RTN1: variants seen among roughly 807,000 people sequenced by gnomAD.
The protein encoded by RTN1 is reticulon 1.
RTN1 carries 25 observed loss-of-function variants against 65.5 expected under a neutral mutation model. The observed-to-expected ratio is 0.38, with a 90% CI of 0.28 to 0.53. The LOEUF is 0.53. Ranked by LOEUF, RTN1 falls within the 20% of genes least tolerant of loss-of-function variation. RTN1 has a pLI of 0.79. For synonymous variants in RTN1, 471 were observed against 447.6 expected, an observed-to-expected ratio of 1.05 and a Z score of -0.66; for missense variants, 983 against 1,025.4, an observed-to-expected ratio of 0.96 and a Z score of 0.57.
In RTN1 at chr14:59,652,766, T is replaced by C. The variant is rs143778380; in HGVS notation, c.1766-45274A>G. On this transcript the variant is annotated intron_variant, in intron 3 of 8. Transcript: ENST00000267484. ...CATGAAATAATCTGTAAGATAAGCT[T>C]AGCTATATAGCAAACCTGCACATGT... is the stretch of plus-strand genomic sequence containing the variant. Among the ~76,000 whole-genome samples, 138 of 152,194 alleles carry C rather than the reference T, an allele frequency of 9.1e-4. 1 individual carries two copies. In the East Asian group the frequency reaches 0.014, roughly 16 times the overall value.
rs1885861610 is a variant in RTN1 at position 59,766,978 on chromosome 14, C to A, written c.242-20497G>T. 6.6e-6 allele frequency among the ~76,000 whole-genome samples: 1 copy of A among 152,166 alleles called. No homozygotes were observed. Among genetic ancestry groups the A allele is most frequent in the Non-Finnish European group, 1.5e-5 (1 of 68,030 alleles). On this transcript the variant is annotated intron_variant, in intron 1 of 8. Coordinates refer to ENST00000267484, the MANE Select transcript of RTN1 (RefSeq NM_021136.3). This position sits in a 1 kb window ranked among gnomAD's most constrained non-coding sequence, Gnocchi z 4.4. ...CTTATTCTAGTTTCTGGGGATTTAACAATGAATGAAACAGATAAATAGTCT... is the reference window on the plus strand; with the variant it reads ...CTTATTCTAGTTTCTGGGGATTTAAAAATGAATGAAACAGATAAATAGTCT...
At chr14:59,697,508 A>C (rs1884087325) in intron 3 of RTN1, among the ~76,000 whole-genome samples, 1 of 152,218 alleles carries the variant, frequency 6.6e-6, no homozygotes, top group South Asian at 2.1e-4. Context: ...ACTGATATGT[A>C]GGAAGTGAGT....
At chr14:59,759,393 T>C (rs1369095180) in intron 1 of RTN1, among the ~76,000 whole-genome samples, 1 of 152,208 alleles carries the variant, frequency 6.6e-6, no homozygotes, top group East Asian at 1.9e-4. Context: ...GATTACCTAA[T>C]ATCTTTGTGC....
chr14:59,603,897 T>C lies in RTN1; in HGVS notation c.2137A>G (p.Thr713Ala). ...CCATTGAAGAGAGCGCCAACGTAGGTCAGGAGCCACATCAGGACTGCAAAC... is the reference window on the plus strand; with the variant it reads ...CCATTGAAGAGAGCGCCAACGTAGGCCAGGAGCCACATCAGGACTGCAAAC... ...LKFAVLMWLL[T>A]YVGALFNGLT... Residue 713 changes from threonine (T) to alanine (A), a missense_variant, in exon 6 of 9, where the codon ACC becomes GCC. This residue lies in a region of RTN1 where 165 missense variants were observed against 223.6 expected (regional missense o/e 0.74). Transcript: ENST00000267484. The C allele has an allele frequency of 6.2e-7, 1 of 1,611,836 alleles. No individual in the cohort carries two copies. The highest frequency in any genetic ancestry group is 8.5e-7 in the Non-Finnish European group (1 of 1,178,398).
chr14:59,761,541 C>T (rs1885748408), intron 1 of RTN1, among the ~76,000 whole-genome samples: 1 of 152,200 alleles, frequency 6.6e-6, no homozygotes, highest in South Asian at 2.1e-4. Flanking sequence ...TATCCAGTCT[C>T]AGGTATGTCC....
intron 1 of RTN1, among the ~76,000 whole-genome samples, chr14:59,824,755 C>A (rs939816307): frequency 4.6e-5 from 7 of 152,184 alleles, no homozygotes; most frequent in African/African-American, 1.2e-4. Flanking sequence ...AAAGCTACTA[C>A]AATGCATTTT....
Position 59,811,407 on chromosome 14 carries a change from C to T in RTN1, c.241+58983G>A, listed in dbSNP as rs144660112. 1.4e-4 allele frequency among the ~76,000 whole-genome samples: 21 copies of T among 152,276 alleles called. No individual in the cohort carries two copies. In the South Asian group the frequency reaches 3.7e-3, roughly 27 times the overall value. Reference sequence around the variant, plus strand: ...TCAATGACAATTTAATCAGATCTGACCACAGAAATTAGTTTTCTTGTTAAT... The same window carrying T: ...TCAATGACAATTTAATCAGATCTGATCACAGAAATTAGTTTTCTTGTTAAT... On this transcript the variant is annotated intron_variant, in intron 1 of 8. Transcript: ENST00000267484.
chr14:59,729,122 TC>T (rs1463285907), intron 2 of RTN1, among the ~76,000 whole-genome samples: 2 of 152,082 alleles, frequency 1.3e-5, no homozygotes, highest in Non-Finnish European at 2.9e-5. Flanking sequence ...AGAGAGTGAC[TC>T]ATGAAGATAT....
intron 3 of RTN1, among the ~76,000 whole-genome samples, chr14:59,656,970 C>T (rs1883134009): frequency 6.6e-6 from 1 of 151,896 alleles, no homozygotes. Flanking sequence ...AGGAAATTAG[C>T]ATGATCCCCA....
intron 3 of RTN1, among the ~76,000 whole-genome samples, chr14:59,659,655 A>T (rs980141614): frequency 3.3e-5 from 5 of 152,230 alleles, no homozygotes; most frequent in African/African-American, 1.2e-4. Context: ...TCATAAGTGA[A>T]GAAGAAATAA....
intron 2 of RTN1, among the ~76,000 whole-genome samples, chr14:59,738,165 T>A (rs560327098): frequency 6.6e-6 from 1 of 152,146 alleles, no homozygotes; most frequent in South Asian, 2.1e-4. Context: ...ACAAATGGGA[T>A]CTAATTAACT....
chr14:59,832,964 A>G (rs779841089), intron 1 of RTN1, among the ~76,000 whole-genome samples: 2 of 152,128 alleles, frequency 1.3e-5, no homozygotes, highest in Non-Finnish European at 2.9e-5. Context: ...TGTGGAGTCC[A>G]TGTGCTCTTC....
intron 8 of RTN1, among the ~76,000 whole-genome samples, chr14:59,598,781 C>T (rs1159235766): frequency 6.6e-6 from 1 of 152,180 alleles, no homozygotes; most frequent in Non-Finnish European, 1.5e-5. Flanking sequence ...AAATCCTACT[C>T]CTTTAGCAAT....
chr14:59,673,465 C>T (rs767053526), intron 3 of RTN1, among the ~76,000 whole-genome samples: 67 of 152,276 alleles, frequency 4.4e-4, no homozygotes, highest in Admixed American at 1.0e-3. Flanking sequence ...TCTGCACACA[C>T]CAGAGAGTGA....
chr14:59,826,514 G>T (rs1040612164), intron 1 of RTN1, among the ~76,000 whole-genome samples: 1 of 152,154 alleles, frequency 6.6e-6, no homozygotes, highest in Non-Finnish European at 1.5e-5. Context: ...ATTTACAGAA[G>T]CTCATTGGAA....
intron 8 of RTN1, among the ~76,000 whole-genome samples, chr14:59,600,288 T>C (rs1051171738): frequency 6.6e-6 from 1 of 152,136 alleles, no homozygotes; most frequent in African/African-American, 2.4e-5. Flanking sequence ...ATGACAATGA[T>C]ATATAATATT....
intron 8 of RTN1, among the ~76,000 whole-genome samples, chr14:59,602,231 A>AG (rs1881602110): frequency 6.6e-6 from 1 of 152,128 alleles, no homozygotes; most frequent in African/African-American, 2.4e-5. Context: ...ACCCTCACCT[A>AG]GGTCCAGCCA....
chr14:59,720,324 T>C (rs576743248), intron 3 of RTN1, among the ~76,000 whole-genome samples: 5 of 152,202 alleles, frequency 3.3e-5, no homozygotes, highest in Admixed American at 2.0e-4. Context: ...AGAAAAGCCA[T>C]GAATTCAGCT....
At chr14:59,847,314 T>A (rs960140072) in intron 1 of RTN1, among the ~76,000 whole-genome samples, 2 of 152,212 alleles carry the variant, frequency 1.3e-5, no homozygotes, top group Non-Finnish European at 2.9e-5. Context: ...AGTCCCTATC[T>A]CTTTAGTATT....
Sources: gnomAD v4.1 joint callset for allele counts (sites outside exome capture counted in the v4.1 genomes callset) on GRCh38, gnomAD v4.1.1 for gene constraint, gnomAD v4.1.1 regional missense constraint, Gnocchi (gnomAD v3.1) non-coding constraint, MANE v1.5 for transcripts, NCBI Gene and HGNC (gene_info 2026-07-23, HGNC 2026-07-21) for gene names.